The following TUBGCP6 variants were observed in gnomAD, a reference collection of about 807,000 sequenced individuals.
The protein encoded by TUBGCP6 is gamma-tubulin complex component 6.
In TUBGCP6, 161 loss-of-function variants were observed where a neutral mutation model predicts 175.8. That is an observed-to-expected ratio of 0.92 (90% confidence interval 0.81 to 1.04). The LOEUF (loss-of-function observed/expected upper bound fraction) is 1.04. Among genes scored for constraint, TUBGCP6 ranks in the 50% least tolerant of loss-of-function variants. The pLI is 0.00. For missense variants in TUBGCP6, 2,572 were observed against 2,433.0 expected, an observed-to-expected ratio of 1.06 and a Z score of -1.20; for synonymous variants, 1,173 against 1,030.5, an observed-to-expected ratio of 1.14 and a Z score of -2.65.
intron 2 of TUBGCP6, among the ~76,000 whole-genome samples, chr22:50,235,565 G>A (rs1181628713): frequency 4.6e-5 from 7 of 152,334 alleles, no homozygotes; most frequent in Admixed American, 6.5e-5. Context: ...GCTCGAGGAC[G>A]CCAAGTGGAG....
At position 50,221,763 on chromosome 22, in the gene TUBGCP6, G is replaced by A. The variant is rs1331941025; in HGVS notation, c.2596C>T (p.Pro866Ser). The change falls in exon 16 of 25, where the codon CCA (proline) becomes TCA (serine). Residue 866 changes from proline (P) to serine (S), a missense_variant. By Grantham distance (74) the Pro-to-Ser change is moderately conservative. Transcript: ENST00000248846. ...ACTGCTAGAGGCTTAAGGGGCTGTG[G>A]GGTCAGCAGGCCTGGCCTGTTCCAG... ...DGWNRPGLLT[P>S]QPLKPLAVGA... The A allele has an allele frequency of 1.3e-6, 2 of 1,514,630 alleles. No homozygotes were observed. Among genetic ancestry groups the A allele is most frequent in the Admixed American group, 4.5e-5 (2 of 44,278 alleles). 93.8% of individuals were successfully genotyped at this position (1,514,630 alleles called of 1,614,324 possible). A position where few individuals can be genotyped will look rare whatever the true frequency, so the allele number is the denominator to read the frequency against.
intron 2 of TUBGCP6, among the ~76,000 whole-genome samples, chr22:50,238,186 T>C (rs1011481301): frequency 1.3e-4 from 20 of 150,458 alleles, no homozygotes; most frequent in African/African-American, 4.6e-4. Flanking sequence ...GAGGGAGAGT[T>C]TGGGGGACCT....
At chr22:50,242,620 G>A (rs2064853902) in intron 1 of TUBGCP6, among the ~76,000 whole-genome samples, 1 of 152,344 alleles carries the variant, frequency 6.6e-6, no homozygotes, top group South Asian at 2.1e-4. Flanking sequence ...TGGCAACACT[G>A]ATAAAGCAAT....
chr22:50,242,494 TCAAAAA>T (rs141069131), intron 1 of TUBGCP6, among the ~76,000 whole-genome samples: 1,533 of 152,198 alleles, frequency 0.01, 13 homozygotes, highest in Admixed American at 0.019. Flanking sequence ...AAGACTTGTC[TCAAAAA>T]CAAAAAACAA....
At chr22:50,242,659 A>G (rs143302052) in intron 1 of TUBGCP6, among the ~76,000 whole-genome samples, 2 of 152,374 alleles carry the variant, frequency 1.3e-5, no homozygotes, top group African/African-American at 4.8e-5. Flanking sequence ...GAGGAGCTAC[A>G]GCGTACCATG....
At chr22:50,235,940 G>GC (rs2064773557) in intron 2 of TUBGCP6, among the ~76,000 whole-genome samples, 1 of 137,432 alleles carries the variant, frequency 7.3e-6, no homozygotes, top group African/African-American at 2.7e-5. Flanking sequence ...ACTCCATCTC[G>GC]GAAAAAAAAA....
intron 13 of TUBGCP6, 125 bp downstream of exon 13, chr22:50,224,016 C>T: frequency 2.4e-6 from 2 of 836,778 alleles, no homozygotes; most frequent in South Asian, 1.6e-5. Context: ...GCATATTGGT[C>T]TTTCTACCTT....
rs2064448593 is a variant in TUBGCP6 at position 50,218,119 on chromosome 22, T to G, written c.5169-2A>C. Reference sequence around the variant, plus strand: ...GCCGCCTTCTCCGTGAGCAGGCCCCTGGGGGGAAGCAGTGCTGCTGGGTGG... The same window carrying G: ...GCCGCCTTCTCCGTGAGCAGGCCCCGGGGGGGAAGCAGTGCTGCTGGGTGG... On this transcript the variant is annotated splice_acceptor_variant, in intron 23 of 24. Coordinates refer to ENST00000248846, the MANE Select transcript of TUBGCP6 (RefSeq NM_020461.4). LOFTEE classifies it high-confidence loss of function. 1.2e-6 allele frequency: 2 copies of G among 1,612,030 alleles called. No homozygotes were observed.
chr22:50,229,387 T>G lies in TUBGCP6; in HGVS notation c.1290+17A>C. 1.2e-6 allele frequency: 2 copies of G among 1,610,040 alleles called. No homozygotes were observed. The highest frequency in any genetic ancestry group is 1.1e-5 in the South Asian group (1 of 90,862). On this transcript the variant is annotated intron_variant, in intron 4 of 24. Transcript: ENST00000248846. ...TTCTCACAAAGGTGTGTGACAACCA[T>G]GAGGCAAAGGCCATACCTGGAACAC...
chr22:50,243,534 C>T (rs535054143), intron 1 of TUBGCP6, among the ~76,000 whole-genome samples, 185 bp downstream of exon 1: 1 of 147,468 alleles, frequency 6.8e-6, no homozygotes, highest in East Asian at 2.0e-4. Context: ...ACGAGAATTG[C>T]TTGAGCCCAG....
chr22:50,223,440 T>C (rs5771242), intron 13 of TUBGCP6: 122,394 of 152,634 alleles, frequency 0.8, 49,823 homozygotes, highest in African/African-American at 0.95. Context: ...ACAGGACAGG[T>C]TGATAACAGC....
chr22:50,236,286 C>T (rs1408356556), intron 2 of TUBGCP6, among the ~76,000 whole-genome samples: 1 of 152,100 alleles, frequency 6.6e-6, no homozygotes, highest in East Asian at 1.9e-4. Flanking sequence ...CAGGCACGGG[C>T]CACCATGCCT....
chr22:50,242,803 T>C (rs1276861585), intron 1 of TUBGCP6, among the ~76,000 whole-genome samples: 1 of 152,204 alleles, frequency 6.6e-6, no homozygotes, highest in African/African-American at 2.4e-5. Context: ...TATTTTATTT[T>C]GTTTTAATTA....
intron 7 of TUBGCP6, 74 bp from the exon 8 acceptor site, chr22:50,226,452 G>A (rs2064611032): frequency 7.1e-6 from 10 of 1,398,814 alleles, no homozygotes; most frequent in Middle Eastern, 1.8e-4. Context: ...AGTGAGGGGT[G>A]GGACAGGGGC....
rs2064895630 is a variant in TUBGCP6 at position 50,244,604 on chromosome 22, T to TC, written c.-146_-145insG. On this transcript the variant is annotated 5_prime_UTR_variant, in exon 1 of 25. Coordinates refer to ENST00000248846, the MANE Select transcript of TUBGCP6 (RefSeq NM_020461.4). ...CCAATGCCGAAGCTCAGAACTGGTA[T>TC]TTTTTAAAGGAGGTCTTGCGGTTGC... 1.6e-6 allele frequency: 2 copies of TC among 1,244,070 alleles called. No homozygotes were observed. Among genetic ancestry groups the TC allele is most frequent in the African/African-American group, 4.9e-5 (2 of 40,758 alleles). 77.1% of individuals were successfully genotyped at this position (1,244,070 alleles called of 1,614,324 possible).
In TUBGCP6 at chr22:50,218,205, G is replaced by A. The variant is rs757566093; in HGVS notation, c.5152C>T (p.His1718Tyr). 17 of 1,612,042 alleles carry A rather than the reference G, an allele frequency of 1.1e-5. No individual in the cohort carries two copies. Among genetic ancestry groups the A allele is most frequent in the African/African-American group, 5.3e-5 (4 of 74,938 alleles). The change falls in exon 23 of 25, where the codon CAC (histidine) becomes TAC (tyrosine). Residue 1718 changes from histidine to tyrosine, a missense_variant. Transcript: ENST00000248846. ...AGGCCTCACCTGAAGACGGCCTTGT[G>A]CAGGTACTCTGCGTGCGCACGCTGG... ...EIQRAHAEYL[H>Y]KAVFRGLLTE...
At chr22:50,226,925 C>T in intron 6 of TUBGCP6, 74 bp downstream of exon 6, 2 of 1,563,852 alleles carry the variant, frequency 1.3e-6, no homozygotes, top group Admixed American at 1.9e-5. Context: ...AGCAGCCCTC[C>T]AGGGACACGC....
chr22:50,219,108 C>A lies in TUBGCP6; in HGVS notation c.4586G>T (p.Gly1529Val), dbSNP rs1332730814. Residue 1529 changes from glycine to valine, a missense_variant, in exon 20 of 25, where the codon GGC becomes GTC. By Grantham distance (109) the Gly-to-Val change is moderately radical. Coordinates refer to ENST00000248846, the MANE Select transcript of TUBGCP6 (RefSeq NM_020461.4). ...ALRHFLLMED[G>V]EFAQSLSDLL... ...GTCGCTGAGGGACTGGGCGAACTCG[C>A]CGTCCTCCATCAGCAGGAAGTGCCG... 6.2e-7 allele frequency: 1 copy of A among 1,612,972 alleles called. No homozygotes were observed. The highest frequency in any genetic ancestry group is 2.2e-5 in the East Asian group (1 of 44,876).
At chr22:50,230,580 T>C (rs1446140997) in intron 3 of TUBGCP6, among the ~76,000 whole-genome samples, 1 of 148,600 alleles carries the variant, frequency 6.7e-6, no homozygotes, top group African/African-American at 2.5e-5. Flanking sequence ...CACTCCAGCC[T>C]GGGAGACAGA....
Sources: gnomAD v4.1 joint callset for allele counts (sites outside exome capture counted in the v4.1 genomes callset) on GRCh38, gnomAD v4.1.1 for gene constraint, MANE v1.5 for transcripts, NCBI Gene and HGNC (gene_info 2026-07-23, HGNC 2026-07-21) for gene names.